The following POU5F2 variants were observed in gnomAD, a reference collection of about 807,000 sequenced individuals.
POU5F2 encodes POU domain class 5, transcription factor 2, also known as POU domain, class 5, transcription factor 2.
For synonymous variants in POU5F2, 191 were observed against 178.7 expected, an observed-to-expected ratio of 1.07 and a Z score of -0.55; for missense variants, 401 against 426.6, an observed-to-expected ratio of 0.94 and a Z score of 0.53.
Position 93,737,836 on chromosome 5 carries a change from T to C in POU5F2, c.*2741A>G, listed in dbSNP as rs1403872304. On this transcript the variant is annotated 3_prime_UTR_variant, in exon 1 of 1. Coordinates refer to ENST00000606183, the MANE Select transcript of POU5F2 (RefSeq NM_153216.2). ...CCTCATACCGTATACAAAAATTAAC[T>C]TGAAATGGATCAAAGTCCTAAATTT... The C allele has an allele frequency of 2.4e-6, 1 of 413,290 alleles. No homozygotes were observed. Among genetic ancestry groups the C allele is most frequent in the Non-Finnish European group, 4.7e-6 (1 of 212,616 alleles). The allele number at this position is 413,290 out of a possible 1,614,324, so 25.6% of individuals were successfully genotyped here.
At position 93,741,361 on chromosome 5, in the gene POU5F2, A is replaced by C. The variant is rs769654563; in HGVS notation, c.203T>G (p.Leu68Arg). ...PDVWRIPLGP[L>R]PHEFRGWIAP... ...TATCCAGCCCCGGAATTCGTGTGGC[A>C]GGGGACCCAGGGGAATCCTCCACAC... Residue 68 changes from leucine to arginine, a missense_variant, in exon 1 of 1, where the codon CTG (leucine) becomes CGG (arginine). Transcript: ENST00000606183. The C allele has an allele frequency of 1.9e-6, 3 of 1,610,904 alleles. No homozygotes were observed. Among genetic ancestry groups the C allele is most frequent in the Non-Finnish European group, 2.5e-6 (3 of 1,178,248 alleles).
At position 93,738,397 on chromosome 5, in the gene POU5F2, A is replaced by G. The variant is rs1449825797; in HGVS notation, c.*2180T>C. On this transcript the variant is annotated 3_prime_UTR_variant, in exon 1 of 1. Coordinates refer to ENST00000606183, the MANE Select transcript of POU5F2 (RefSeq NM_153216.2). ...TGGAAAACAGTTTGGTAGTTTCCCAAAAAGTTAAGCATAGAATTACTGTAT... is the reference window on the plus strand; with the variant it reads ...TGGAAAACAGTTTGGTAGTTTCCCAGAAAGTTAAGCATAGAATTACTGTAT... 1 of 152,482 alleles carries G rather than the reference A, an allele frequency of 6.6e-6. No individual in the cohort carries two copies. Among genetic ancestry groups the G allele is most frequent in the Non-Finnish European group, 1.5e-5 (1 of 68,236 alleles). 9.4% of individuals were successfully genotyped at this position (152,482 alleles called of 1,614,324 possible). A position where few individuals can be genotyped will look rare whatever the true frequency, so the allele number is the denominator to read the frequency against.
In POU5F2 at chr5:93,734,227, A is replaced by C. The variant is rs1195182950; in HGVS notation, c.*6350T>G. The C allele has an allele frequency of 1.3e-5, 2 of 152,228 alleles. No homozygotes were observed. The highest frequency in any genetic ancestry group is 4.8e-5 in the African/African-American group (2 of 41,474). The allele number at this position is 152,228 out of a possible 1,614,324, so 9.4% of individuals were successfully genotyped here. ...GTAAGAACAAGAAAGGCAATAATCA[A>C]TACATTATTTAGTCTGAACTTACAA... On this transcript the variant is annotated 3_prime_UTR_variant, in exon 1 of 1. Transcript: ENST00000606183.
Position 93,734,320 on chromosome 5 carries a change from T to G in POU5F2, c.*6257A>C, listed in dbSNP as rs1746757118. The stretch of plus-strand genomic sequence containing the variant: ...GCTGGTGATATCTAGAAAATATAGA[T>G]TCAAAGAAAACCAGAAATTACCTAT... On this transcript the variant is annotated 3_prime_UTR_variant, in exon 1 of 1. Transcript: ENST00000606183. 6.6e-6 allele frequency: 1 copy of G among 152,070 alleles called. No homozygotes were observed. Among genetic ancestry groups the G allele is most frequent in the East Asian group, 1.9e-4 (1 of 5,192 alleles). The allele number at this position is 152,070 out of a possible 1,614,324, so 9.4% of individuals were successfully genotyped here.
In POU5F2 at chr5:93,735,115, C is replaced by G. The variant is rs1746938173; in HGVS notation, c.*5462G>C. 1.3e-5 allele frequency: 2 copies of G among 152,166 alleles called. No homozygotes were observed. The highest frequency in any genetic ancestry group is 4.8e-5 in the African/African-American group (2 of 41,436). 9.4% of individuals were successfully genotyped at this position (152,166 alleles called of 1,614,324 possible). On this transcript the variant is annotated 3_prime_UTR_variant, in exon 1 of 1. Coordinates refer to ENST00000606183, the MANE Select transcript of POU5F2 (RefSeq NM_153216.2). ...TCTCTGTAACATTTAACATTGTTAACTACTTAACAATATAGTCTTGGTTTT... is the reference window on the plus strand; with the variant it reads ...TCTCTGTAACATTTAACATTGTTAAGTACTTAACAATATAGTCTTGGTTTT...
rs937069037 is a variant in POU5F2 at position 93,737,665 on chromosome 5, G to A, written c.*2912C>T. The A allele has an allele frequency of 1.4e-5, 3 of 219,692 alleles. No homozygotes were observed. In the South Asian group the frequency reaches 1.6e-4, roughly 12 times the overall value. 13.6% of individuals were successfully genotyped at this position (219,692 alleles called of 1,614,324 possible). ...ATATAGACCAACAGAAGAGAGTTGA[G>A]AGCCCAGAAATAATCCCTCACATGT... is the stretch of plus-strand genomic sequence containing the variant. On this transcript the variant is annotated 3_prime_UTR_variant, in exon 1 of 1. Transcript: ENST00000606183.
At position 93,739,913 on chromosome 5, in the gene POU5F2, A is replaced by T. The variant is rs1035304251; in HGVS notation, c.*664T>A. 3.3e-5 allele frequency: 5 copies of T among 151,220 alleles called. No individual in the cohort carries two copies. The highest frequency in any genetic ancestry group is 1.2e-4 in the African/African-American group (5 of 41,052). 9.4% of individuals were successfully genotyped at this position (151,220 alleles called of 1,614,324 possible). On this transcript the variant is annotated 3_prime_UTR_variant, in exon 1 of 1. Coordinates refer to ENST00000606183, the MANE Select transcript of POU5F2 (RefSeq NM_153216.2). The stretch of plus-strand genomic sequence containing the variant: ...CAGTGACTGTGGCAGGACAAGACAT[A>T]GTCCCATGGGACTACATAAAGTAGG...
Position 93,741,591 on chromosome 5 carries a change from G to A in POU5F2, c.-28C>T. On this transcript the variant is annotated 5_prime_UTR_variant, in exon 1 of 1. Coordinates refer to ENST00000606183, the MANE Select transcript of POU5F2 (RefSeq NM_153216.2). ...GTGGAATGGCACCCGCAGCGGCTCT[G>A]GTAGGAACTGATGGCCCTCGAGGCT... 4 of 1,481,610 alleles carry A rather than the reference G, an allele frequency of 2.7e-6. No homozygotes were observed. The highest frequency in any genetic ancestry group is 3.6e-6 in the Non-Finnish European group (4 of 1,115,700). 91.8% of individuals were successfully genotyped at this position (1,481,610 alleles called of 1,614,324 possible).
Position 93,739,930 on chromosome 5 carries a change from T to C in POU5F2, c.*647A>G, listed in dbSNP as rs987860028. The stretch of plus-strand genomic sequence containing the variant: ...CAAGACATAGTCCCATGGGACTACA[T>C]AAAGTAGGGAGAGGAACTGAGACCC... On this transcript the variant is annotated 3_prime_UTR_variant, in exon 1 of 1. Transcript: ENST00000606183. The C allele has an allele frequency of 2.3e-5, 3 of 131,560 alleles. No individual in the cohort carries two copies. Among genetic ancestry groups the C allele is most frequent in the Non-Finnish European group, 3.1e-5 (2 of 64,900 alleles). 8.1% of individuals were successfully genotyped at this position (131,560 alleles called of 1,614,324 possible).
chr5:93,738,986 G>A lies in POU5F2; in HGVS notation c.*1591C>T, dbSNP rs936846437. 1 of 152,178 alleles carries A rather than the reference G, an allele frequency of 6.6e-6. No individual in the cohort carries two copies. Among genetic ancestry groups the A allele is most frequent in the African/African-American group, 2.4e-5 (1 of 41,424 alleles). 9.4% of individuals were successfully genotyped at this position (152,178 alleles called of 1,614,324 possible). A position where few individuals can be genotyped will look rare whatever the true frequency, so the allele number is the denominator to read the frequency against. The stretch of plus-strand genomic sequence containing the variant: ...AATAGGCAAAGGTAAAGTTTCTACA[G>A]TCTCATGAAGAAAAGATTAAATAAA... On this transcript the variant is annotated 3_prime_UTR_variant, in exon 1 of 1. Coordinates refer to ENST00000606183, the MANE Select transcript of POU5F2 (RefSeq NM_153216.2).
At position 93,741,470 on chromosome 5, in the gene POU5F2, G is replaced by T. The variant is rs1748472146; in HGVS notation, c.94C>A (p.Leu32Met). The stretch of plus-strand genomic sequence containing the variant: ...GCCGCCTGGGTGCTCAACCAGGTCA[G>T]AGTGTCAACCCGCAGGGGCATCGGC... ...RGPMPLRVDT[L>M]TWLSTQAAPG... The change falls in exon 1 of 1, where the codon CTG becomes ATG. Residue 32 changes from leucine (L) to methionine (M), a missense_variant. Coordinates refer to ENST00000606183, the MANE Select transcript of POU5F2 (RefSeq NM_153216.2). 1 of 1,613,418 alleles carries T rather than the reference G, an allele frequency of 6.2e-7. No homozygotes were observed. The highest frequency in any genetic ancestry group is 1.1e-5 in the South Asian group (1 of 91,074).
rs1438376774 is a variant in POU5F2 at position 93,735,902 on chromosome 5, A to T, written c.*4675T>A. On this transcript the variant is annotated 3_prime_UTR_variant, in exon 1 of 1. Transcript: ENST00000606183. ...GCACTAATTCAGATTCTTCTGCTTGATGATGTTGTGGATTCACTGTAGTGA... is the reference window on the plus strand; with the variant it reads ...GCACTAATTCAGATTCTTCTGCTTGTTGATGTTGTGGATTCACTGTAGTGA... 6.6e-6 allele frequency: 1 copy of T among 151,998 alleles called. No homozygotes were observed. Among genetic ancestry groups the T allele is most frequent in the Admixed American group, 6.6e-5 (1 of 15,264 alleles). The allele number at this position is 151,998 out of a possible 1,614,324, so 9.4% of individuals were successfully genotyped here. A position where few individuals can be genotyped will look rare whatever the true frequency, so the allele number is the denominator to read the frequency against.
rs1746816742 is a variant in POU5F2 at position 93,734,599 on chromosome 5, A to C, written c.*5978T>G. The C allele has an allele frequency of 6.6e-6, 1 of 152,220 alleles. No individual in the cohort carries two copies. The highest frequency in any genetic ancestry group is 1.5e-5 in the Non-Finnish European group (1 of 68,036). The allele number at this position is 152,220 out of a possible 1,614,324, so 9.4% of individuals were successfully genotyped here. A position where few individuals can be genotyped will look rare whatever the true frequency, so the allele number is the denominator to read the frequency against. On this transcript the variant is annotated 3_prime_UTR_variant, in exon 1 of 1. Transcript: ENST00000606183. ...AAATACAAGATAACCAAAATGTTTG[A>C]TAATGAAACATTTTCAGAATGACAG...
chr5:93,741,365 G>C lies in POU5F2; in HGVS notation c.199C>G (p.Pro67Ala). The change falls in exon 1 of 1, where the codon CCC becomes GCC. Residue 67 changes from proline to alanine, a missense_variant. By Grantham distance (27) the Pro-to-Ala change is conservative. Transcript: ENST00000606183. ...GPDVWRIPLG[P>A]LPHEFRGWIA... is the part of the protein sequence containing the mutation. Reference sequence around the variant, plus strand: ...CAGCCCCGGAATTCGTGTGGCAGGGGACCCAGGGGAATCCTCCACACGTCA... The same window carrying C: ...CAGCCCCGGAATTCGTGTGGCAGGGCACCCAGGGGAATCCTCCACACGTCA... The C allele has an allele frequency of 6.2e-7, 1 of 1,611,476 alleles. No individual in the cohort carries two copies. Among genetic ancestry groups the C allele is most frequent in the Non-Finnish European group, 8.5e-7 (1 of 1,178,504 alleles).
chr5:93,741,378 C>T lies in POU5F2; in HGVS notation c.186G>A (p.Arg62=). The T allele has an allele frequency of 6.2e-7, 1 of 1,612,458 alleles. No homozygotes were observed. The highest frequency in any genetic ancestry group is 8.5e-7 in the Non-Finnish European group (1 of 1,179,200). ...CGTGTGGCAGGGGACCCAGGGGAAT[C>T]CTCCACACGTCAGGGCCTGGGCAGA... is the stretch of plus-strand genomic sequence containing the variant. ...PGICPGPDVW[R]IPLGPLPHEF... Residue 62 remains arginine (R), a synonymous_variant, in exon 1 of 1, where the codon AGG becomes AGA. Coordinates refer to ENST00000606183, the MANE Select transcript of POU5F2 (RefSeq NM_153216.2).
At position 93,741,341 on chromosome 5, in the gene POU5F2, A is replaced by G. The variant is rs771459691; in HGVS notation, c.223T>C (p.Trp75Arg). 4.3e-6 allele frequency: 7 copies of G among 1,611,554 alleles called. No individual in the cohort carries two copies. Among genetic ancestry groups the G allele is most frequent in the Non-Finnish European group, 4.2e-6 (5 of 1,178,450 alleles). Residue 75 changes from tryptophan to arginine, a missense_variant, in exon 1 of 1, where the codon TGG becomes CGG. Trp to Arg is a moderately radical substitution (Grantham distance 101). Coordinates refer to ENST00000606183, the MANE Select transcript of POU5F2 (RefSeq NM_153216.2). ...AGACGGGGCCTGCAGGGTGCTATCC[A>G]GCCCCGGAATTCGTGTGGCAGGGGA... ...LGPLPHEFRG[W>R]IAPCRPRLGA...
Position 93,737,992 on chromosome 5 carries a change from C to T in POU5F2, c.*2585G>A. ...AGCTGGACTTAATAAAAATTAAAGT[C>T]TGTCTGCATCAAAAGATACAGTCAA... On this transcript the variant is annotated 3_prime_UTR_variant, in exon 1 of 1. Coordinates refer to ENST00000606183, the MANE Select transcript of POU5F2 (RefSeq NM_153216.2). The T allele has an allele frequency of 2.4e-6, 1 of 420,312 alleles. No homozygotes were observed. The highest frequency in any genetic ancestry group is 4.6e-6 in the Non-Finnish European group (1 of 216,030). 26.0% of individuals were successfully genotyped at this position (420,312 alleles called of 1,614,324 possible).
At position 93,740,443 on chromosome 5, in the gene POU5F2, TGTA is replaced by T. The variant is rs1021064319; in HGVS notation, c.*131_*133del. 2 of 957,004 alleles carry T rather than the reference TGTA, an allele frequency of 2.1e-6. No individual in the cohort carries two copies. Among genetic ancestry groups the T allele is most frequent in the Non-Finnish European group, 3.1e-6 (2 of 648,498 alleles). The allele number at this position is 957,004 out of a possible 1,614,324, so 59.3% of individuals were successfully genotyped here. A position where few individuals can be genotyped will look rare whatever the true frequency, so the allele number is the denominator to read the frequency against. On this transcript the variant is annotated 3_prime_UTR_variant, in exon 1 of 1. Coordinates refer to ENST00000606183, the MANE Select transcript of POU5F2 (RefSeq NM_153216.2). ...CAATTCCCACCCCCATTCCCTACTA[TGTA>T]TCCTTAACTTCTTTAGACAGTGAAT...
rs891343610 is a variant in POU5F2, at chr5:93,733,941, G to C, written c.*6636C>G. 6.6e-6 allele frequency: 1 copy of C among 152,102 alleles called. No individual in the cohort carries two copies. The highest frequency in any genetic ancestry group is 6.6e-5 in the Admixed American group (1 of 15,266). The allele number at this position is 152,102 out of a possible 1,614,324, so 9.4% of individuals were successfully genotyped here. A position where few individuals can be genotyped will look rare whatever the true frequency, so the allele number is the denominator to read the frequency against. On this transcript the variant is annotated 3_prime_UTR_variant, in exon 1 of 1. Coordinates refer to ENST00000606183, the MANE Select transcript of POU5F2 (RefSeq NM_153216.2). ...AGGCAAGACTATTTCTAGAAGAAAGGCATAAACAAAAGTGGCTATTCTGAA... is the reference window on the plus strand; with the variant it reads ...AGGCAAGACTATTTCTAGAAGAAAGCCATAAACAAAAGTGGCTATTCTGAA...
Sources: allele counts gnomAD v4.1 joint callset, GRCh38; gene constraint gnomAD v4.1.1; transcripts MANE v1.5; gene names NCBI Gene and HGNC (gene_info 2026-07-23, HGNC 2026-07-21).